Variants in C8orf34 observed in about 807,000 individuals in gnomAD.
C8orf34 encodes the protein uncharacterized protein C8orf34.
In C8orf34, 65 loss-of-function variants were observed where a neutral mutation model predicts 68.3. The observed-to-expected ratio is 0.95, with a 90% confidence interval of 0.78 to 1.17. C8orf34 has a LOEUF of 1.17. C8orf34 is among the 50% of genes most tolerant of loss of function. C8orf34 has a pLI of 0.00. For synonymous variants in C8orf34, 244 were observed against 241.2 expected (o/e 1.01, Z -0.11); for missense variants, 664 against 655.4 (o/e 1.01, Z -0.14).
At chr8:68,622,011 G>A (rs991053194) in intron 7 of C8orf34, among the ~76,000 whole-genome samples, 1 of 152,152 alleles carries the variant, frequency 6.6e-6, no homozygotes, top group Non-Finnish European at 1.5e-5. Flanking sequence ...GGCTCATGAG[G>A]TCTCTTTTGA....
chr8:68,800,517 C>T (rs1040256274), intron 12 of C8orf34, among the ~76,000 whole-genome samples: 3 of 152,144 alleles, frequency 2.0e-5, no homozygotes, highest in Admixed American at 6.6e-5. Flanking sequence ...TTAATCTAAA[C>T]AACAGTAAAT....
At chr8:68,715,571 T>G (rs1563626187) in intron 9 of C8orf34, among the ~76,000 whole-genome samples, 1 of 151,848 alleles carries the variant, frequency 6.6e-6, no homozygotes, top group Non-Finnish European at 1.5e-5. Context: ...AACCACAATG[T>G]GATACCACCT....
chr8:68,627,736 C>T (rs550251872), intron 7 of C8orf34, among the ~76,000 whole-genome samples: 4 of 152,074 alleles, frequency 2.6e-5, no homozygotes, highest in Non-Finnish European at 4.4e-5. Flanking sequence ...AACAGAAGAG[C>T]CTTCACAATT....
At chr8:68,638,631 G>C (rs1450699099) in intron 7 of C8orf34, among the ~76,000 whole-genome samples, 1 of 151,890 alleles carries the variant, frequency 6.6e-6, no homozygotes, top group Non-Finnish European at 1.5e-5. Context: ...GCACGCCAAA[G>C]TCATGTATTT....
chr8:68,346,313 C>A (rs1806282552), intron 1 of C8orf34, among the ~76,000 whole-genome samples: 2 of 141,616 alleles, frequency 1.4e-5, no homozygotes, highest in Admixed American at 7.2e-5. Flanking sequence ...GATTTAGGTT[C>A]ACAGCAAAAT....
chr8:68,331,427 C>T, intron 1 of C8orf34, 88 bp downstream of exon 1: 1 of 1,387,588 alleles, frequency 7.2e-7, no homozygotes, highest in East Asian at 2.5e-5. Context: ...CCCACCCCTC[C>T]CAGGGAAGGA....
chr8:68,387,808 C>T (rs1163376953), intron 1 of C8orf34, among the ~76,000 whole-genome samples: 1 of 152,134 alleles, frequency 6.6e-6, no homozygotes, highest in Non-Finnish European at 1.5e-5. Context: ...GGTAATAGAG[C>T]ATGAATGTGA....
chr8:68,431,440 C>G (rs910137516), intron 1 of C8orf34, among the ~76,000 whole-genome samples: 2 of 152,112 alleles, frequency 1.3e-5, no homozygotes, highest in Non-Finnish European at 2.9e-5. Flanking sequence ...TCCACTGTCA[C>G]CTATATTGTA....
intron 7 of C8orf34, among the ~76,000 whole-genome samples, chr8:68,619,813 G>A (rs1013780676): frequency 2.6e-5 from 4 of 152,154 alleles, no homozygotes; most frequent in East Asian, 3.9e-4. Flanking sequence ...AGCAAAATAC[G>A]GATATAAGGA....
chr8:68,802,730 T>C (rs968550263), intron 12 of C8orf34, among the ~76,000 whole-genome samples: 2 of 152,096 alleles, frequency 1.3e-5, no homozygotes, highest in Admixed American at 6.5e-5. Flanking sequence ...ACTCATGAGC[T>C]CAAGCAATCT....
rs1302378888 is a variant in C8orf34, at chr8:68,419,650, G to A, written c.328-19849G>A. Among the ~76,000 whole-genome samples, 266 of 151,426 alleles carry A rather than the reference G, an allele frequency of 1.8e-3. 1 individual carries two copies. The highest frequency in any genetic ancestry group is 3.3e-3 in the Non-Finnish European group (223 of 67,812). On this transcript the variant is annotated intron_variant, in intron 1 of 13. Transcript: ENST00000518698. Reference sequence around the variant, plus strand: ...ACACCATGGAATACTATGCAGCCATGAAAAATGATGAGTTCATGTCCTTTG... The same window carrying A: ...ACACCATGGAATACTATGCAGCCATAAAAAATGATGAGTTCATGTCCTTTG...
At chr8:68,651,316 C>T (rs1408958898) in intron 8 of C8orf34, among the ~76,000 whole-genome samples, 1 of 152,206 alleles carries the variant, frequency 6.6e-6, no homozygotes, top group Non-Finnish European at 1.5e-5. Flanking sequence ...GTTTATGAAT[C>T]CTGCAGTCTG....
At chr8:68,486,932 C>A (rs1212517908) in intron 4 of C8orf34, among the ~76,000 whole-genome samples, 1 of 152,180 alleles carries the variant, frequency 6.6e-6, no homozygotes, top group Non-Finnish European at 1.5e-5. Context: ...TGACACCAAC[C>A]CCCCTTTGCT....
intron 10 of C8orf34, among the ~76,000 whole-genome samples, chr8:68,748,472 T>C (rs1822583328): frequency 1.3e-5 from 2 of 150,678 alleles, no homozygotes; most frequent in South Asian, 2.1e-4. Flanking sequence ...GGAGAAAATT[T>C]TTGCAACCTA....
intron 10 of C8orf34, among the ~76,000 whole-genome samples, chr8:68,748,231 C>G (rs1368040297): frequency 1.5e-5 from 2 of 134,794 alleles, no homozygotes; most frequent in Non-Finnish European, 3.2e-5. Flanking sequence ...ATACAAAAAT[C>G]AATTCAAGAT....
intron 7 of C8orf34, among the ~76,000 whole-genome samples, chr8:68,628,315 A>G (rs1818595577): frequency 6.6e-6 from 1 of 152,182 alleles, no homozygotes; most frequent in Non-Finnish European, 1.5e-5. Context: ...CTGAATTCAT[A>G]TTTAAGGTAT....
chr8:68,452,895 A>G (rs1443361561), intron 3 of C8orf34, among the ~76,000 whole-genome samples: 1 of 151,554 alleles, frequency 6.6e-6, no homozygotes, highest in Non-Finnish European at 1.5e-5. Flanking sequence ...GTTATAGTTT[A>G]TGCTCTTACA....
At chr8:68,530,351 C>T (rs1815190396) in intron 6 of C8orf34, among the ~76,000 whole-genome samples, 1 of 152,068 alleles carries the variant, frequency 6.6e-6, no homozygotes, top group Non-Finnish European at 1.5e-5. Context: ...TCATTCATAG[C>T]AGTATCTATA....
At chr8:68,409,980 A>G (rs993228229) in intron 1 of C8orf34, among the ~76,000 whole-genome samples, 1 of 152,202 alleles carries the variant, frequency 6.6e-6, no homozygotes, top group African/African-American at 2.4e-5. Context: ...AGGCCATGCC[A>G]TACAGCCTAG....
Sources: gnomAD v4.1 joint callset for allele counts (sites outside exome capture counted in the v4.1 genomes callset) on GRCh38, gnomAD v4.1.1 for gene constraint, MANE v1.5 for transcripts, NCBI Gene and HGNC (gene_info 2026-07-23, HGNC 2026-07-21) for gene names.